The following ARHGEF4 variants were observed in gnomAD, a reference collection of about 807,000 sequenced individuals.
The protein encoded by ARHGEF4 is Rho guanine nucleotide exchange factor 4, also known as APC-stimulated guanine nucleotide exchange factor 1.
Under a neutral mutation model 162.0 loss-of-function variants are expected in ARHGEF4, and 119 were observed. The observed-to-expected ratio is 0.73, with a 90% CI of 0.63 to 0.86. ARHGEF4 has a LOEUF of 0.86. Ranked by LOEUF, ARHGEF4 falls within the 40% of genes least tolerant of loss-of-function variation. ARHGEF4 has a pLI of 0.00. For synonymous variants in ARHGEF4, 1,014 were observed against 979.9 expected (o/e 1.03, Z -0.65); for missense variants, 2,488 against 2,456.0 (o/e 1.01, Z -0.28).
chr2:130,912,076 G>A (rs4850132), intron 1 of ARHGEF4, among the ~76,000 whole-genome samples: 79,840 of 152,212 alleles, frequency 0.52, 24,978 homozygotes, highest in East Asian at 0.86. Context: ...CAGGGCAGGC[G>A]TCACTGAGCT....
rs1558771584 is a variant in ARHGEF4 at position 130,960,318 on chromosome 2, A to ATTTTATACTG, written c.3985+13684_3985+13685insTTTATACTGT. ...CATTACGATGTTAATATTTTATACT[A>ATTTTATACTG]TATTTTTACTGTGCCTTTCCTATGT... On this transcript the variant is annotated intron_variant, in intron 4 of 13. Transcript: ENST00000409359. Among the ~76,000 whole-genome samples the ATTTTATACTG allele has an allele frequency of 3.7e-4, 57 of 152,092 alleles. No homozygotes were observed. In the East Asian group the frequency reaches 0.01, roughly 27 times the overall value.
chr2:130,867,704 C>T (rs1325248042), intron 1 of ARHGEF4, among the ~76,000 whole-genome samples: 3 of 152,126 alleles, frequency 2.0e-5, no homozygotes, highest in Non-Finnish European at 4.4e-5. Context: ...TGTACTAAGT[C>T]TTCCCCAGGG....
intron 5 of ARHGEF4, among the ~76,000 whole-genome samples, chr2:131,036,973 T>C (rs1361412197): frequency 6.6e-6 from 1 of 152,194 alleles, no homozygotes; most frequent in African/African-American, 2.4e-5. Flanking sequence ...TGAGCCCTCC[T>C]GTCTCATCTC....
intron 3 of ARHGEF4, among the ~76,000 whole-genome samples, chr2:130,933,341 T>C (rs530665713): frequency 6.6e-6 from 1 of 152,356 alleles, no homozygotes; most frequent in Non-Finnish European, 1.5e-5. Context: ...CATAGTTTTA[T>C]AATAAGTTTT....
intron 2 of ARHGEF4, among the ~76,000 whole-genome samples, chr2:130,928,678 C>A (rs1245939917): frequency 6.6e-6 from 1 of 152,226 alleles, no homozygotes; most frequent in Non-Finnish European, 1.5e-5. Context: ...TTCCTGTGCT[C>A]TGCAGCACCA....
chr2:130,943,510 G>A (rs781736281), intron 3 of ARHGEF4, among the ~76,000 whole-genome samples: 13 of 151,974 alleles, frequency 8.6e-5, no homozygotes, highest in Non-Finnish European at 1.8e-4. Flanking sequence ...TCTCTGATTT[G>A]CATTGCTCTG....
intron 4 of ARHGEF4, among the ~76,000 whole-genome samples, chr2:130,969,126 G>A (rs112803521): frequency 2.0e-5 from 3 of 152,040 alleles, no homozygotes; most frequent in Non-Finnish European, 4.4e-5. Flanking sequence ...AATGTGCTCA[G>A]AACACTTACA....
chr2:131,044,572 C>T, intron 12 of ARHGEF4, 30 bp downstream of exon 12: 1 of 1,537,256 alleles, frequency 6.5e-7, no homozygotes, highest in Non-Finnish European at 8.8e-7. Context: ...CTTGCCCCGC[C>T]CCCAGGGCCC....
intron 1 of ARHGEF4, among the ~76,000 whole-genome samples, chr2:130,881,736 G>A (rs548718378): frequency 5.3e-5 from 8 of 152,198 alleles, no homozygotes; most frequent in Admixed American, 3.9e-4. Context: ...CCTGGAGGGC[G>A]GCCCTTGCGT....
intron 4 of ARHGEF4, among the ~76,000 whole-genome samples, chr2:130,988,833 C>A (rs1686694797): frequency 1.6e-5 from 2 of 124,130 alleles, no homozygotes; most frequent in African/African-American, 6.4e-5. Context: ...AATGAGTATT[C>A]TTCTCCACAT....
At chr2:130,842,588 C>T (rs550394404) in intron 1 of ARHGEF4, among the ~76,000 whole-genome samples, 26 of 152,310 alleles carry the variant, frequency 1.7e-4, no homozygotes, top group African/African-American at 6.3e-4. Flanking sequence ...AGAGCTGTTT[C>T]TCCCACAAAG....
intron 1 of ARHGEF4, among the ~76,000 whole-genome samples, chr2:130,838,055 A>T (rs1027089837): frequency 6.6e-6 from 1 of 152,192 alleles, no homozygotes; most frequent in Non-Finnish European, 1.5e-5. Context: ...CCCCAGCGAT[A>T]ACGAAGTGAT....
At chr2:130,936,632 G>T (rs7606270) in intron 3 of ARHGEF4, among the ~76,000 whole-genome samples, 58,133 of 151,880 alleles carry the variant, frequency 0.38, 13,555 homozygotes, top group African/African-American at 0.66. Flanking sequence ...TTTCTGAGGA[G>T]AAATCAGCTG....
At chr2:130,872,057 C>T (rs1457199822) in intron 1 of ARHGEF4, among the ~76,000 whole-genome samples, 2 of 152,238 alleles carry the variant, frequency 1.3e-5, no homozygotes, top group Non-Finnish European at 1.5e-5. Context: ...AGCACCGCAG[C>T]GCGGTTCAGG....
At chr2:130,933,214 CA>C (rs34411956) in intron 3 of ARHGEF4, among the ~76,000 whole-genome samples, 6,091 of 136,524 alleles carry the variant, frequency 0.045, 354 homozygotes, top group African/African-American at 0.16. Flanking sequence ...GACCCTGTCT[CA>C]AAAAAAAAAA....
intron 1 of ARHGEF4, among the ~76,000 whole-genome samples, chr2:130,897,202 G>C (rs1680210201): frequency 6.6e-6 from 1 of 152,168 alleles, no homozygotes; most frequent in Non-Finnish European, 1.5e-5. Context: ...AAATGTACGT[G>C]CCCTCACCTC....
At chr2:130,837,685 A>G (rs891760559) in intron 1 of ARHGEF4, 10 of 438,614 alleles carry the variant, frequency 2.3e-5, no homozygotes, top group African/African-American at 1.6e-4. Flanking sequence ...ACAGGTTGCC[A>G]AGCCCGACCT....
intron 1 of ARHGEF4, among the ~76,000 whole-genome samples, chr2:130,887,803 C>T (rs1679609914): frequency 6.6e-6 from 1 of 152,146 alleles, no homozygotes; most frequent in African/African-American, 2.4e-5. Context: ...ATGTGGTCTC[C>T]AGGACGGCGT....
chr2:130,885,958 A>G (rs1430374136), intron 1 of ARHGEF4, among the ~76,000 whole-genome samples: 1 of 151,954 alleles, frequency 6.6e-6, no homozygotes, highest in African/African-American at 2.4e-5. Flanking sequence ...TACCCACATA[A>G]TCACACTGTG....
Sources: gnomAD v4.1 joint callset for allele counts (sites outside exome capture counted in the v4.1 genomes callset) on GRCh38, gnomAD v4.1.1 for gene constraint, MANE v1.5 for transcripts, NCBI Gene and HGNC (gene_info 2026-07-23, HGNC 2026-07-21) for gene names.